The following VDR variants were observed in gnomAD, a reference collection of about 807,000 sequenced individuals.
VDR encodes vitamin D receptor, also known as vitamin D3 receptor.
Under a neutral mutation model 39.7 loss-of-function variants are expected in VDR, and 19 were observed. That is an observed-to-expected ratio of 0.48 (90% CI 0.33 to 0.70). The LOEUF is 0.70. Among genes scored for constraint, VDR ranks in the 30% least tolerant of loss-of-function variants. The pLI is 0.02. For synonymous variants in VDR, 242 were observed against 215.8 expected, an observed-to-expected ratio of 1.12 and a Z score of -1.07; for missense variants, 442 against 570.5, an observed-to-expected ratio of 0.77 and a Z score of 2.29.
chr12:47,881,135 G>A (rs1325402895), intron 2 of VDR, among the ~76,000 whole-genome samples: 1 of 149,902 alleles, frequency 6.7e-6, no homozygotes, highest in East Asian at 2.0e-4. Context: ...CACATATACT[G>A]TCCTTTTTAC....
At chr12:47,877,017 G>T (rs1946021414) in intron 3 of VDR, among the ~76,000 whole-genome samples, 1 of 152,202 alleles carries the variant, frequency 6.6e-6, no homozygotes, top group South Asian at 2.1e-4. Flanking sequence ...CCTTCGGTGA[G>T]AATCTCCATA....
At chr12:47,873,351 CTTTTT>C (rs71077177) in intron 3 of VDR, among the ~76,000 whole-genome samples, 9 of 98,420 alleles carry the variant, frequency 9.1e-5, no homozygotes, top group East Asian at 4.3e-4. Context: ...AACCTGTTTT[CTTTTT>C]TTTTTTTTTT....
At position 47,879,039 on chromosome 12, in the gene VDR, C is replaced by A. The variant is rs1222907372; in HGVS notation, c.75G>T (p.Gly25=). ...DFDRNVPRIC[G]VCGDRATGFH... is the part of the protein sequence containing the mutation. ...AGCCAGTGGCTCGGTCTCCACACAC[C>A]CCACAGATCCGGGGCACGTTCCGGT... is the stretch of plus-strand genomic sequence containing the variant. Residue 25 remains glycine, a synonymous_variant, in exon 3 of 10, where the codon GGG becomes GGT. Coordinates refer to ENST00000549336, the MANE Select transcript of VDR (RefSeq NM_000376.3). 6.2e-7 allele frequency: 1 copy of A among 1,614,180 alleles called. No individual in the cohort carries two copies. Among genetic ancestry groups the A allele is most frequent in the East Asian group, 2.2e-5 (1 of 44,878 alleles).
intron 4 of VDR, among the ~76,000 whole-genome samples, chr12:47,863,139 C>T (rs1945658787): frequency 6.6e-6 from 1 of 152,052 alleles, no homozygotes; most frequent in South Asian, 2.1e-4. Flanking sequence ...CCCTGATTTA[C>T]CCCAGGCTGG....
intron 3 of VDR, among the ~76,000 whole-genome samples, chr12:47,872,131 C>A (rs1945895778): frequency 1.3e-5 from 2 of 152,204 alleles, no homozygotes; most frequent in Admixed American, 1.3e-4. Context: ...ACTACAACTA[C>A]CTAAACATTA....
Position 47,895,908 on chromosome 12 carries a change from G to A in VDR, c.-84+9047C>T, listed in dbSNP as rs370547999. Among the ~76,000 whole-genome samples the A allele has an allele frequency of 9.2e-5, 14 of 152,182 alleles. No homozygotes were observed. In the East Asian group the frequency reaches 1.3e-3, roughly 15 times the overall value. On this transcript the variant is annotated intron_variant, in intron 1 of 9. Coordinates refer to ENST00000549336, the MANE Select transcript of VDR (RefSeq NM_000376.3). ...CGTGTGCTCTCCAGTCCATCTCACC[G>A]GGTCTGCATCCCTCCAGCCTCACTC...
chr12:47,866,630 A>G (rs1173850401), intron 3 of VDR, among the ~76,000 whole-genome samples: 19 of 152,248 alleles, frequency 1.2e-4, no homozygotes, highest in Admixed American at 3.9e-4. Context: ...CCAGACAAGC[A>G]GGTGGAAATC....
At position 47,858,080 on chromosome 12, in the gene VDR, G is replaced by GTT. The variant is rs1945531644; in HGVS notation, c.278-393_278-392insAA. Reference sequence around the variant, plus strand: ...GTACCTTCCTCCATAAAGTGTGTGTGTGTGTGTCTGTGTGTGTTGACATGC... The same window carrying GTT: ...GTACCTTCCTCCATAAAGTGTGTGTGTTTGTGTGTCTGTGTGTGTTGACATGC... On this transcript the variant is annotated intron_variant, in intron 4 of 9. Coordinates refer to ENST00000549336, the MANE Select transcript of VDR (RefSeq NM_000376.3). Among the ~76,000 whole-genome samples, 3 of 148,764 alleles carry GTT rather than the reference G, an allele frequency of 2.0e-5. No individual in the cohort carries two copies. In the South Asian group the frequency reaches 6.2e-4, roughly 31 times the overall value.
At chr12:47,868,375 C>T (rs1945779608) in intron 3 of VDR, among the ~76,000 whole-genome samples, 1 of 152,224 alleles carries the variant, frequency 6.6e-6, no homozygotes. Context: ...CTATCAGGGG[C>T]TCCTTAGCTC....
At chr12:47,854,705 G>A (rs1945448554) in intron 7 of VDR, among the ~76,000 whole-genome samples, 1 of 152,376 alleles carries the variant, frequency 6.6e-6, no homozygotes, top group South Asian at 2.1e-4. Context: ...ACACCTGGAA[G>A]GGATCCTGGC....
chr12:47,863,561 G>T (rs1275014582), intron 4 of VDR, among the ~76,000 whole-genome samples: 1 of 152,202 alleles, frequency 6.6e-6, no homozygotes, highest in Non-Finnish European at 1.5e-5. Context: ...CCTGAGCAGG[G>T]CCCACTGAGA....
At chr12:47,904,735 T>TC in intron 1 of VDR, 1 of 1,178,068 alleles carries the variant, frequency 8.5e-7, no homozygotes, top group Non-Finnish European at 1.2e-6. Context: ...ATGTCGCTGC[T>TC]CCCCTCGCCA....
At chr12:47,892,141 G>A (rs1946382775) in intron 1 of VDR, among the ~76,000 whole-genome samples, 3 of 152,256 alleles carry the variant, frequency 2.0e-5, no homozygotes, top group South Asian at 4.1e-4. Context: ...GATAGATTCT[G>A]AAGCCTGTGT....
intron 1 of VDR, among the ~76,000 whole-genome samples, chr12:47,900,822 GCA>G (rs1946544343): frequency 6.6e-6 from 1 of 152,132 alleles, no homozygotes; most frequent in Non-Finnish European, 1.5e-5. Flanking sequence ...TGCCGAGTCT[GCA>G]CAGACTCCGC....
rs562104294 is a variant in VDR at position 47,901,268 on chromosome 12, A to G, written c.-84+3687T>C. 3 of 155,272 alleles carry G rather than the reference A, an allele frequency of 1.9e-5. No individual in the cohort carries two copies. The East Asian group carries it at 5.8e-4, about 30-fold the overall frequency. 9.6% of individuals were successfully genotyped at this position (155,272 alleles called of 1,614,324 possible). The stretch of plus-strand genomic sequence containing the variant: ...CCTCCACGCCTATGCCCGATCACCC[A>G]CAGGCTGGACCTCTGGGGATCCCAC... On this transcript the variant is annotated intron_variant, in intron 1 of 9. Transcript: ENST00000549336.
At chr12:47,874,754 G>C (rs141862330) in intron 3 of VDR, among the ~76,000 whole-genome samples, 6 of 152,196 alleles carry the variant, frequency 3.9e-5, no homozygotes, top group Admixed American at 6.5e-5. Flanking sequence ...CATCAAAGGG[G>C]TTCCTCTGAT....
Position 47,846,464 on chromosome 12 carries a change from A to G in VDR, c.908-13T>C, listed in dbSNP as rs1945282306. The stretch of plus-strand genomic sequence containing the variant: ...AGGCTGTGTCCGGCTGTGAGAGACA[A>G]TGGCCAGGTACTGCGGGCAGAGCTG... On this transcript the variant is annotated splice_polypyrimidine_tract_variant and intron_variant, in intron 8 of 9. Coordinates refer to ENST00000549336, the MANE Select transcript of VDR (RefSeq NM_000376.3). 6.4e-7 allele frequency: 1 copy of G among 1,561,674 alleles called. No individual in the cohort carries two copies.
intron 1 of VDR, among the ~76,000 whole-genome samples, chr12:47,884,609 G>A (rs891689769): frequency 6.6e-6 from 1 of 152,138 alleles, no homozygotes; most frequent in Non-Finnish European, 1.5e-5. Context: ...CCCTATCTTA[G>A]GGGTGGAAAC....
rs540776853 is a variant in VDR at position 47,862,891 on chromosome 12, C to T, written c.277+2156G>A. ...TTCAGGAAAGTAAAAAGCATCAGGACGTTTCTATTTTAACTGGATCCCCGC... is the reference window on the plus strand; with the variant it reads ...TTCAGGAAAGTAAAAAGCATCAGGATGTTTCTATTTTAACTGGATCCCCGC... On this transcript the variant is annotated intron_variant, in intron 4 of 9. Transcript: ENST00000549336. 9.2e-5 allele frequency among the ~76,000 whole-genome samples: 14 copies of T among 152,316 alleles called. No homozygotes were observed. The South Asian group carries it at 2.5e-3, about 27-fold the overall frequency.
Sources: gnomAD v4.1 joint callset for allele counts (sites outside exome capture counted in the v4.1 genomes callset) on GRCh38, gnomAD v4.1.1 for gene constraint, MANE v1.5 for transcripts, NCBI Gene and HGNC (gene_info 2026-07-23, HGNC 2026-07-21) for gene names.